The following MSRA variants were observed in gnomAD, a reference collection of about 807,000 sequenced individuals.
MSRA encodes methionine sulfoxide reductase A.
MSRA carries 54 observed loss-of-function variants against 31.3 expected under a neutral mutation model. The observed-to-expected ratio is 1.73, with a 90% CI of 1.39 to 2.17. The LOEUF is 2.17. Among genes scored for constraint, MSRA ranks in the 30% most tolerant of loss-of-function variants. The pLI is 0.00. For missense variants in MSRA, 507 were observed against 300.9 expected (o/e 1.69, Z -5.07); for synonymous variants, 169 against 116.5 (o/e 1.45, Z -2.90).
intron 1 of MSRA, among the ~76,000 whole-genome samples, chr8:10,152,797 A>C (rs181269760): frequency 1.3e-5 from 2 of 152,218 alleles, no homozygotes; most frequent in African/African-American, 4.8e-5. Context: ...AATGTGGTCT[A>C]TCTGTGCAAT....
chr8:10,243,781 G>A (rs912626687), intron 2 of MSRA, among the ~76,000 whole-genome samples: 2 of 152,098 alleles, frequency 1.3e-5, no homozygotes, highest in African/African-American at 4.8e-5. Context: ...AAAAGTGCAT[G>A]TAATTGTGTT....
Position 10,130,606 on chromosome 8 carries a change from G to A in MSRA, c.142+75948G>A, listed in dbSNP as rs763910638. On this transcript the variant is annotated intron_variant, in intron 1 of 5. Coordinates refer to ENST00000317173, the MANE Select transcript of MSRA (RefSeq NM_012331.5). ...TTTCGACGGAAAAAATAATCTTGGC[G>A]TCACTATGCACACACACAGAGACCG... Among the ~76,000 whole-genome samples, 4 of 152,138 alleles carry A rather than the reference G, an allele frequency of 2.6e-5. 1 individual carries two copies. Among genetic ancestry groups the A allele is most frequent in the South Asian group, 4.1e-4 (2 of 4,826 alleles).
intron 3 of MSRA, among the ~76,000 whole-genome samples, chr8:10,267,280 A>G (rs966829476): frequency 1.3e-5 from 2 of 152,214 alleles, no homozygotes; most frequent in Non-Finnish European, 2.9e-5. Context: ...GCCGTTCATG[A>G]CAACAGCCAA....
intron 5 of MSRA, among the ~76,000 whole-genome samples, chr8:10,422,013 G>A (rs1356023967): frequency 6.6e-6 from 1 of 152,164 alleles, no homozygotes; most frequent in Non-Finnish European, 1.5e-5. Context: ...CTGTGTCGTG[G>A]CTCACACCTG....
In MSRA at chr8:10,144,858, C is replaced by A. The variant is rs1386932944; in HGVS notation, c.143-62975C>A. 2.0e-5 allele frequency among the ~76,000 whole-genome samples: 3 copies of A among 152,114 alleles called. No homozygotes were observed. The South Asian group carries it at 6.2e-4, about 32-fold the overall frequency. ...CTGTGCTTCTCTGTTAACTCTGTGC[C>A]TTGATTGCTTAAGACAAGACACATG... On this transcript the variant is annotated intron_variant, in intron 1 of 5. Coordinates refer to ENST00000317173, the MANE Select transcript of MSRA (RefSeq NM_012331.5).
chr8:10,270,146 C>G (rs1798953940), intron 3 of MSRA, among the ~76,000 whole-genome samples: 1 of 152,260 alleles, frequency 6.6e-6, no homozygotes, highest in Non-Finnish European at 1.5e-5. Context: ...CACATGGGAG[C>G]TTTGGTCTTT....
chr8:10,280,122 T>C (rs567748230), intron 3 of MSRA, among the ~76,000 whole-genome samples: 2 of 152,336 alleles, frequency 1.3e-5, no homozygotes, highest in Admixed American at 1.3e-4. Context: ...GTTTTTCTTA[T>C]CTTTTTAGGC....
chr8:10,315,119 A>C (rs1162582620), intron 4 of MSRA, among the ~76,000 whole-genome samples: 3 of 152,152 alleles, frequency 2.0e-5, no homozygotes, highest in Non-Finnish European at 4.4e-5. Flanking sequence ...CATGAGACTT[A>C]TTCACTGTCA....
intron 2 of MSRA, among the ~76,000 whole-genome samples, chr8:10,224,856 A>G (rs1476547750): frequency 1.3e-5 from 2 of 152,182 alleles, no homozygotes; most frequent in Non-Finnish European, 2.9e-5. Flanking sequence ...TTTTAAATGA[A>G]CACTACTACT....
At chr8:10,279,324 G>A (rs1347421809) in intron 3 of MSRA, among the ~76,000 whole-genome samples, 2 of 152,174 alleles carry the variant, frequency 1.3e-5, no homozygotes, top group Non-Finnish European at 2.9e-5. Flanking sequence ...GGTGAAAATA[G>A]GGTGGAGTTT....
At chr8:10,259,839 A>G (rs532312861) in intron 3 of MSRA, among the ~76,000 whole-genome samples, 2 of 152,264 alleles carry the variant, frequency 1.3e-5, no homozygotes, top group East Asian at 1.9e-4. Context: ...GGCTTCTTCC[A>G]TGGCAGTCGG....
intron 2 of MSRA, among the ~76,000 whole-genome samples, chr8:10,232,666 A>C (rs938102206): frequency 2.6e-5 from 4 of 152,232 alleles, no homozygotes; most frequent in African/African-American, 9.7e-5. Flanking sequence ...TCATATGAGA[A>C]CCCAAATCTT....
intron 5 of MSRA, among the ~76,000 whole-genome samples, chr8:10,388,689 A>C (rs1025589273): frequency 1.3e-5 from 2 of 152,068 alleles, no homozygotes; most frequent in African/African-American, 4.8e-5. Flanking sequence ...CCTTCTTTGT[A>C]AGTGGAGCTA....
intron 1 of MSRA, among the ~76,000 whole-genome samples, chr8:10,162,116 A>C (rs895712000): frequency 2.6e-5 from 4 of 152,140 alleles, no homozygotes; most frequent in African/African-American, 9.7e-5. Context: ...TAGAGAGAAT[A>C]AACAAAGTGA....
At chr8:10,303,863 C>G (rs961953755) in intron 4 of MSRA, among the ~76,000 whole-genome samples, 5 of 152,204 alleles carry the variant, frequency 3.3e-5, no homozygotes, top group Non-Finnish European at 7.3e-5. Flanking sequence ...CCTTACTAAT[C>G]CACCCATTCA....
intron 1 of MSRA, among the ~76,000 whole-genome samples, chr8:10,187,717 A>G (rs118117090): frequency 0.021 from 3,236 of 152,314 alleles, 48 homozygotes; most frequent in South Asian, 0.052. Flanking sequence ...TTGTTTTTAA[A>G]TTAATCCTAG....
At chr8:10,348,026 G>C (rs1222615254) in intron 5 of MSRA, among the ~76,000 whole-genome samples, 4 of 152,186 alleles carry the variant, frequency 2.6e-5, no homozygotes, top group African/African-American at 9.7e-5. Context: ...GTAAATATCT[G>C]TTGAGTAAAT....
chr8:10,214,736 C>G (rs1490613237), intron 2 of MSRA, among the ~76,000 whole-genome samples: 1 of 152,150 alleles, frequency 6.6e-6, no homozygotes, highest in Non-Finnish European at 1.5e-5. Flanking sequence ...AATGGTAGAA[C>G]ACTTGGAGAG....
At chr8:10,217,807 C>G (rs1232246148) in intron 2 of MSRA, among the ~76,000 whole-genome samples, 1 of 152,088 alleles carries the variant, frequency 6.6e-6, no homozygotes, top group Non-Finnish European at 1.5e-5. Flanking sequence ...GTCCATTTCC[C>G]CTGTTGCCTC....
Sources: gnomAD v4.1 joint callset for allele counts (sites outside exome capture counted in the v4.1 genomes callset) on GRCh38, gnomAD v4.1.1 for gene constraint, MANE v1.5 for transcripts, NCBI Gene and HGNC (gene_info 2026-07-23, HGNC 2026-07-21) for gene names.